Variants in FNIP1 observed in about 807,000 individuals in gnomAD.
The protein encoded by FNIP1 is folliculin interacting protein 1, also known as folliculin-interacting protein 1.
FNIP1 carries 40 observed loss-of-function variants against 124.5 expected under a neutral mutation model. The ratio of observed to expected loss-of-function variants is 0.32; its 90% CI spans 0.25 to 0.42. FNIP1 has a LOEUF of 0.42. Ranked by LOEUF, FNIP1 falls within the 10% of genes least tolerant of loss-of-function variation. The pLI, the probability that FNIP1 is intolerant of heterozygous loss-of-function variation, is 1.00. For synonymous variants in FNIP1, 472 were observed against 470.6 expected (o/e 1.00, Z -0.04); for missense variants, 1,176 against 1,403.7 (o/e 0.84, Z 2.59).
chr5:131,738,434 A>G (rs966542322), intron 2 of FNIP1, among the ~76,000 whole-genome samples: 2 of 152,084 alleles, frequency 1.3e-5, no homozygotes, highest in African/African-American at 2.4e-5. Flanking sequence ...AAGTTGAAAA[A>G]AAATTGGCTG....
chr5:131,688,228 G>C (rs1184496293), intron 11 of FNIP1, among the ~76,000 whole-genome samples: 3 of 151,218 alleles, frequency 2.0e-5, no homozygotes, highest in Non-Finnish European at 4.4e-5. Flanking sequence ...AGAGCTGCAG[G>C]ACACAGAATC....
At chr5:131,658,662 C>T (rs1470500760) in intron 15 of FNIP1, among the ~76,000 whole-genome samples, 2 of 151,896 alleles carry the variant, frequency 1.3e-5, no homozygotes, top group Non-Finnish European at 2.9e-5. Context: ...GAAAGCAATG[C>T]TATCACCTTC....
rs752268918 is a variant in FNIP1, at chr5:131,672,524, C to T, written c.1920G>A (p.Leu640=). 2.5e-6 allele frequency: 4 copies of T among 1,613,820 alleles called. No individual in the cohort carries two copies. The highest frequency in any genetic ancestry group is 4.5e-5 in the East Asian group (2 of 44,886). The change falls in exon 14 of 18, where the codon CTG becomes CTA. Residue 640 remains leucine, a synonymous_variant. Transcript: ENST00000510461. The part of the protein sequence containing the change: ...REDIQNSSKE[L]LGISDECQMI... The stretch of plus-strand genomic sequence containing the variant: ...TCTGGCACTCATCTGAAATTCCTAG[C>T]AGCTCCTTAGAGCTGTTTTGAATAT...
intron 1 of FNIP1, among the ~76,000 whole-genome samples, chr5:131,783,370 C>T (rs533639900): frequency 1.1e-4 from 16 of 151,806 alleles, no homozygotes; most frequent in African/African-American, 3.9e-4. Context: ...AAAATAGACA[C>T]TTCACCCCCC....
intron 1 of FNIP1, among the ~76,000 whole-genome samples, chr5:131,783,408 T>C (rs1300138198): frequency 3.6e-5 from 5 of 140,448 alleles, no homozygotes; most frequent in African/African-American, 1.3e-4. Flanking sequence ...AGAAGTAGAA[T>C]AGAAAACTAA....
chr5:131,743,321 C>T (rs1770570796), intron 2 of FNIP1, among the ~76,000 whole-genome samples: 1 of 151,460 alleles, frequency 6.6e-6, no homozygotes. Flanking sequence ...GGTTTATAGG[C>T]AAATTTCAGA....
At chr5:131,790,433 C>T (rs1010865224) in intron 1 of FNIP1, among the ~76,000 whole-genome samples, 2 of 143,188 alleles carry the variant, frequency 1.4e-5, no homozygotes, top group Non-Finnish European at 3.0e-5. Flanking sequence ...GACCCAAGAT[C>T]GCACCACCGC....
chr5:131,786,713 G>C (rs1048378760), intron 1 of FNIP1, among the ~76,000 whole-genome samples: 2 of 152,080 alleles, frequency 1.3e-5, no homozygotes, highest in African/African-American at 2.4e-5. Context: ...CTCGAGAGTG[G>C]GTTTGTTATA....
intron 1 of FNIP1, among the ~76,000 whole-genome samples, chr5:131,758,539 T>C (rs1319004105): frequency 6.6e-6 from 1 of 152,232 alleles, no homozygotes; most frequent in Non-Finnish European, 1.5e-5. Context: ...AGAAAAACTT[T>C]TCTTAGTAAT....
chr5:131,703,079 T>A (rs1410588044), intron 10 of FNIP1, among the ~76,000 whole-genome samples: 1 of 152,228 alleles, frequency 6.6e-6, no homozygotes, highest in Non-Finnish European at 1.5e-5. Flanking sequence ...TCTTCCTTTA[T>A]CAAATCTGTT....
chr5:131,793,636 C>G (rs1230096648), intron 1 of FNIP1, among the ~76,000 whole-genome samples: 5 of 152,268 alleles, frequency 3.3e-5, no homozygotes, highest in East Asian at 1.9e-4. Flanking sequence ...GCCATCTCTT[C>G]CAATGGGGTA....
At chr5:131,665,529 T>A (rs1192225923) in intron 15 of FNIP1, among the ~76,000 whole-genome samples, 2 of 151,330 alleles carry the variant, frequency 1.3e-5, no homozygotes, top group African/African-American at 4.8e-5. Flanking sequence ...CATAAAAAAA[T>A]TTCATGTTAA....
rs995120068 is a variant in FNIP1 at position 131,642,082 on chromosome 5, T to C, written c.*2603A>G. 26 of 152,714 alleles carry C rather than the reference T, an allele frequency of 1.7e-4. No homozygotes were observed. Among genetic ancestry groups the C allele is most frequent in the African/African-American group, 6.3e-4 (26 of 41,438 alleles). The allele number at this position is 152,714 out of a possible 1,614,324, so 9.5% of individuals were successfully genotyped here. On this transcript the variant is annotated 3_prime_UTR_variant, in exon 18 of 18. Coordinates refer to ENST00000510461, the MANE Select transcript of FNIP1 (RefSeq NM_133372.3). ...CAAGAAAAAATTAGTTTTAATTCTATAATGTAAAAGATCCCTTTTTTATTT... is the reference window on the plus strand; with the variant it reads ...CAAGAAAAAATTAGTTTTAATTCTACAATGTAAAAGATCCCTTTTTTATTT...
chr5:131,674,417 A>G (rs1580744962), intron 13 of FNIP1, among the ~76,000 whole-genome samples: 1 of 152,150 alleles, frequency 6.6e-6, no homozygotes, highest in Non-Finnish European at 1.5e-5. Flanking sequence ...TTCAGTGCCA[A>G]AACTATGGAG....
At chr5:131,725,309 G>A (rs1291778777) in intron 3 of FNIP1, among the ~76,000 whole-genome samples, 4 of 152,112 alleles carry the variant, frequency 2.6e-5, no homozygotes, top group African/African-American at 9.7e-5. Flanking sequence ...CCATTTTCAC[G>A]ATACTGATTC....
At chr5:131,708,173 C>A (rs1346578069) in intron 8 of FNIP1, among the ~76,000 whole-genome samples, 1 of 152,154 alleles carries the variant, frequency 6.6e-6, no homozygotes, top group Non-Finnish European at 1.5e-5. Flanking sequence ...CTCTAGGTTA[C>A]ACGAGAGTCT....
chr5:131,727,933 T>C (rs1157120238), intron 3 of FNIP1, among the ~76,000 whole-genome samples: 3 of 152,252 alleles, frequency 2.0e-5, no homozygotes, highest in Non-Finnish European at 2.9e-5. Flanking sequence ...CCTTCGCTTA[T>C]GAAGCTTAGT....
At position 131,644,521 on chromosome 5, in the gene FNIP1, C is replaced by T. The variant is rs1766811336; in HGVS notation, c.*164G>A. The stretch of plus-strand genomic sequence containing the variant: ...AAAAGTCCAGTCAAAAAGAAAAAGC[C>T]ATCTGACATACACAGAATATACAAT... On this transcript the variant is annotated 3_prime_UTR_variant, in exon 18 of 18. Transcript: ENST00000510461. The T allele has an allele frequency of 2.3e-6, 1 of 432,814 alleles. No individual in the cohort carries two copies. The highest frequency in any genetic ancestry group is 4.0e-6 in the Non-Finnish European group (1 of 249,128). 26.8% of individuals were successfully genotyped at this position (432,814 alleles called of 1,614,324 possible).
Position 131,776,210 on chromosome 5 carries a change from T to A in FNIP1, c.92+20620A>T, listed in dbSNP as rs1436938526. Among the ~76,000 whole-genome samples the A allele has an allele frequency of 2.6e-5, 4 of 152,200 alleles. No homozygotes were observed. In the East Asian group the frequency reaches 7.7e-4, roughly 29 times the overall value. ...CACTGGTGTACTTCTGCATATTTTA[T>A]ATGGTAAGGTGTAGTTTTATCTATA... is the stretch of plus-strand genomic sequence containing the variant. On this transcript the variant is annotated intron_variant, in intron 1 of 17. Coordinates refer to ENST00000510461, the MANE Select transcript of FNIP1 (RefSeq NM_133372.3).
Sources: allele counts gnomAD v4.1 joint callset (sites outside exome capture counted in the v4.1 genomes callset), GRCh38; gene constraint gnomAD v4.1.1; transcripts MANE v1.5; gene names NCBI Gene and HGNC (gene_info 2026-07-23, HGNC 2026-07-21).